FAF1: variants seen among roughly 807,000 people sequenced by gnomAD.
FAF1 encodes the protein Fas associated factor 1.
FAF1 carries 25 observed loss-of-function variants against 92.5 expected under a neutral mutation model. That is an observed-to-expected ratio of 0.27 (90% CI 0.20 to 0.38). The LOEUF (loss-of-function observed/expected upper bound fraction) is 0.38, where lower values mean the gene tolerates loss of function less well. Among genes scored for constraint, FAF1 ranks in the 10% least tolerant of loss-of-function variants. The pLI is 1.00. For missense variants in FAF1, 636 were observed against 793.3 expected (o/e 0.80, Z 2.38); for synonymous variants, 234 against 273.2 (o/e 0.86, Z 1.42).
At chr1:50,475,704 T>C in intron 17 of FAF1, 25 bp from the exon 18 acceptor site, 1 of 1,546,954 alleles carries the variant, frequency 6.5e-7, no homozygotes, top group Non-Finnish European at 8.9e-7. Flanking sequence ...AACCAGGTGT[T>C]AAAATGTGAG....
At chr1:50,756,495 T>G (rs1319756205) in intron 4 of FAF1, among the ~76,000 whole-genome samples, 1 of 152,198 alleles carries the variant, frequency 6.6e-6, no homozygotes, top group Non-Finnish European at 1.5e-5. Context: ...TTCTGTCTTC[T>G]TCATAGCCCT....
At chr1:50,513,949 A>G (rs541631278) in intron 15 of FAF1, among the ~76,000 whole-genome samples, 1 of 152,332 alleles carries the variant, frequency 6.6e-6, no homozygotes, top group East Asian at 1.9e-4. Context: ...CTCCATCTCT[A>G]CATTTTCTTC....
At chr1:50,926,123 G>A (rs927357796) in intron 1 of FAF1, among the ~76,000 whole-genome samples, 7 of 152,062 alleles carry the variant, frequency 4.6e-5, no homozygotes, top group African/African-American at 1.7e-4. Flanking sequence ...AGACTGAGGG[G>A]GGAGGATCGC....
chr1:50,763,803 TAACAG>T (rs1283779559), intron 4 of FAF1, among the ~76,000 whole-genome samples: 1 of 152,222 alleles, frequency 6.6e-6, no homozygotes, highest in East Asian at 1.9e-4. Flanking sequence ...GATTTTAATA[TAACAG>T]AACATTAAAA....
intron 9 of FAF1, among the ~76,000 whole-genome samples, chr1:50,586,969 C>T (rs1209814499): frequency 6.6e-6 from 1 of 152,246 alleles, no homozygotes. Context: ...GACAAATCTT[C>T]TCACATCCTC....
intron 18 of FAF1, among the ~76,000 whole-genome samples, chr1:50,474,147 G>A (rs1412179880): frequency 6.6e-6 from 1 of 152,132 alleles, no homozygotes; most frequent in African/African-American, 2.4e-5. Context: ...AATTTGTCTC[G>A]TGTAACTTTC....
chr1:50,494,466 G>A (rs2149011337), intron 15 of FAF1, among the ~76,000 whole-genome samples: 1 of 152,304 alleles, frequency 6.6e-6, no homozygotes, highest in South Asian at 2.1e-4. Context: ...CGATTGGGTG[G>A]AGGTAGAACA....
chr1:50,476,233 T>C (rs978222230), intron 17 of FAF1, among the ~76,000 whole-genome samples: 1 of 152,232 alleles, frequency 6.6e-6, no homozygotes, highest in African/African-American at 2.4e-5. Flanking sequence ...TGCCACTGAA[T>C]TGTATACTTA....
At chr1:50,695,276 C>T (rs1379335416) in intron 7 of FAF1, among the ~76,000 whole-genome samples, 1 of 151,548 alleles carries the variant, frequency 6.6e-6, no homozygotes, top group Admixed American at 6.6e-5. Context: ...GGCATGGTTG[C>T]ATGCACCTGC....
At position 50,762,984 on chromosome 1, in the gene FAF1, G is replaced by A. The variant is rs537381406; in HGVS notation, c.368-18209C>T. On this transcript the variant is annotated intron_variant, in intron 4 of 18. Transcript: ENST00000396153. ...AAAATATAGAATGTAGGCCAGGCGCGTTGGCTCATACCTGTAATCCCAGCA... is the reference window on the plus strand; with the variant it reads ...AAAATATAGAATGTAGGCCAGGCGCATTGGCTCATACCTGTAATCCCAGCA... Among the ~76,000 whole-genome samples, 11 of 152,246 alleles carry A rather than the reference G, an allele frequency of 7.2e-5. No individual in the cohort carries two copies. The East Asian group carries it at 7.7e-4, about 11-fold the overall frequency.
intron 5 of FAF1, among the ~76,000 whole-genome samples, chr1:50,739,324 A>G (rs1271070329): frequency 1.3e-5 from 2 of 152,154 alleles, no homozygotes; most frequent in Non-Finnish European, 2.9e-5. Context: ...ATACATGTGT[A>G]CATGTGTACA....
intron 1 of FAF1, among the ~76,000 whole-genome samples, chr1:50,904,327 G>C (rs1235182207): frequency 6.6e-6 from 1 of 152,172 alleles, no homozygotes; most frequent in Non-Finnish European, 1.5e-5. Context: ...CATAGAGACA[G>C]AAAGTAGAAT....
At chr1:50,690,036 C>A (rs1481688496) in intron 7 of FAF1, among the ~76,000 whole-genome samples, 1 of 143,864 alleles carries the variant, frequency 7.0e-6, no homozygotes, top group Non-Finnish European at 1.5e-5. Flanking sequence ...TGCTCTGTCA[C>A]CCAGGCTGGA....
chr1:50,899,286 T>C (rs1425845333), intron 1 of FAF1, among the ~76,000 whole-genome samples: 1 of 152,202 alleles, frequency 6.6e-6, no homozygotes, highest in Non-Finnish European at 1.5e-5. Context: ...CTTAAACATA[T>C]GAAATATAGG....
chr1:50,707,202 C>CAAAAAAAAAA (rs397862445), intron 6 of FAF1, among the ~76,000 whole-genome samples: 1 of 106,862 alleles, frequency 9.4e-6, no homozygotes. Context: ...GACTCTGTGT[C>CAAAAAAAAAA]AAAAAAAAAA....
At chr1:50,616,781 A>G (rs1239938772) in intron 8 of FAF1, among the ~76,000 whole-genome samples, 1 of 151,880 alleles carries the variant, frequency 6.6e-6, no homozygotes, top group African/African-American at 2.4e-5. Flanking sequence ...CCTGGATTCA[A>G]GTGATTCTTG....
chr1:50,942,743 CGTT>C (rs909058450), intron 1 of FAF1, among the ~76,000 whole-genome samples: 4 of 150,712 alleles, frequency 2.7e-5, no homozygotes, highest in African/African-American at 4.9e-5. Flanking sequence ...TTTTAGTTGT[CGTT>C]GTTTTTTTTT....
At chr1:50,923,630 G>A (rs1023874522) in intron 1 of FAF1, among the ~76,000 whole-genome samples, 23 of 151,996 alleles carry the variant, frequency 1.5e-4, no homozygotes, top group South Asian at 4.1e-4. Flanking sequence ...AACAAAAAAA[G>A]AAAACTACAG....
intron 2 of FAF1, among the ~76,000 whole-genome samples, chr1:50,842,698 T>C (rs1343400853): frequency 6.6e-6 from 1 of 152,160 alleles, no homozygotes; most frequent in Admixed American, 6.5e-5. Flanking sequence ...GGCTGGCTCC[T>C]CGTTCTCACA....
Sources: gnomAD v4.1 joint callset for allele counts (sites outside exome capture counted in the v4.1 genomes callset) on GRCh38, gnomAD v4.1.1 for gene constraint, MANE v1.5 for transcripts, NCBI Gene and HGNC (gene_info 2026-07-23, HGNC 2026-07-21) for gene names.